The following AIFM1 variants were observed in gnomAD, a reference collection of about 807,000 sequenced individuals.
AIFM1 encodes the protein apoptosis-inducing factor 1, mitochondrial.
A neutral mutation model predicts 51.7 loss-of-function variants in AIFM1; 3 were observed. The ratio of observed to expected loss-of-function variants is 0.06; its 90% CI spans 0.03 to 0.15. The LOEUF (loss-of-function observed/expected upper bound fraction) is 0.15, where lower values mean the gene tolerates loss of function less well. AIFM1 is among the 10% of genes least tolerant of loss of function. The probability of loss-of-function intolerance (pLI) is 1.00; values close to 1 mark genes in which losing one functional copy is unlikely to be tolerated. For synonymous variants in AIFM1, 178 were observed against 179.4 expected (o/e 0.99, Z 0.06); for missense variants, 330 against 476.8 (o/e 0.69, Z 2.87).
At chrX:130,163,264 C>T (rs1219555620) in intron 1 of AIFM1, among the ~76,000 whole-genome samples, 2 of 100,265 alleles carry the variant, frequency 2.0e-5, no homozygotes, top group Non-Finnish European at 3.9e-5. Flanking sequence ...GAGCCAAGAT[C>T]GTGCCACTGC....
intron 10 of AIFM1, 137 bp downstream of exon 10, chrX:130,136,941 C>T: frequency 8.7e-7 from 1 of 1,148,580 alleles, no homozygotes. Context: ...ATGAACTTAG[C>T]TGACTGGAGA....
intron 2 of AIFM1, among the ~76,000 whole-genome samples, chrX:130,154,373 C>A (rs771104646): frequency 2.7e-5 from 3 of 111,961 alleles, no homozygotes; most frequent in African/African-American, 9.8e-5. Context: ...TAAATTGTTA[C>A]CAACATACTG....
In AIFM1 at chrX:130,129,442, AC is replaced by A; in HGVS notation, c.*114del. 1 of 597,540 alleles carries A rather than the reference AC, an allele frequency of 1.7e-6. No individual in the cohort carries two copies. 49.2% of individuals were successfully genotyped at this position (597,540 alleles called of 1,213,427 possible). Reference sequence around the variant, plus strand: ...ACATAGTTGAAAATATTCACAAAGGACTTGATCATTCACACTCATACACAGA... The same window carrying A: ...ACATAGTTGAAAATATTCACAAAGGATTGATCATTCACACTCATACACAGA... On this transcript the variant is annotated 3_prime_UTR_variant, in exon 16 of 16. Coordinates refer to ENST00000287295, the MANE Select transcript of AIFM1 (RefSeq NM_004208.4).
chrX:130,129,736 G>T, intron 15 of AIFM1, 108 bp from the exon 16 acceptor site: 1 of 836,590 alleles, frequency 1.2e-6, no homozygotes, highest in Non-Finnish European at 1.8e-6. Flanking sequence ...CTGGGAGGGA[G>T]TTGTGGGAAC....
At chrX:130,132,289 T>C (rs1569415983) in intron 13 of AIFM1, among the ~76,000 whole-genome samples, 1 of 112,255 alleles carries the variant, frequency 8.9e-6, no homozygotes, top group African/African-American at 3.2e-5. Context: ...TTAACCCTAA[T>C]AGCTTTGACT....
At chrX:130,143,210 C>T (rs2030638642) in intron 6 of AIFM1, among the ~76,000 whole-genome samples, 1 of 111,945 alleles carries the variant, frequency 8.9e-6, no homozygotes, top group African/African-American at 3.2e-5. Context: ...AACTTCTACA[C>T]ATATGCAGAT....
At position 130,145,537 on chromosome X, in the gene AIFM1, G is replaced by A; in HGVS notation, c.638C>T (p.Ser213Phe). The A allele has an allele frequency of 4.1e-6, 5 of 1,209,248 alleles. No individual in the cohort carries two copies. Among genetic ancestry groups the A allele is most frequent in the Non-Finnish European group, 5.6e-6 (5 of 893,244 alleles). Residue 213 changes from serine to phenylalanine, a missense_variant, in exon 6 of 16, where the codon TCT (serine) becomes TTT (phenylalanine). Physicochemically the swap from Ser to Phe is radical, Grantham distance 155 (BLOSUM62 -2). This residue lies in a region of AIFM1 where 152 missense variants were observed against 292.8 expected (regional missense o/e 0.52). Coordinates refer to ENST00000287295, the MANE Select transcript of AIFM1 (RefSeq NM_004208.4). ...CTCAATATGAGGCAGGTCCTGAGCA[G>A]AGACATAGAAAGAAGGTGGCTGGAA... Reference protein sequence around the residue: ...IYFQPPSFYVSAQDLPHIENG... With the variant: ...IYFQPPSFYVFAQDLPHIENG...
In AIFM1 at chrX:130,130,107, G is replaced by A. The variant is rs139322490; in HGVS notation, c.1633C>T (p.Pro545Ser). 1.2e-5 allele frequency: 14 copies of A among 1,210,110 alleles called. No individual in the cohort carries two copies. In the African/African-American group the frequency reaches 1.7e-4, roughly 15 times the overall value. Residue 545 changes from proline (P) to serine (S), a missense_variant, in exon 15 of 16, where the codon CCC becomes TCC. Coordinates refer to ENST00000287295, the MANE Select transcript of AIFM1 (RefSeq NM_004208.4). ...GCCTGTGGAACTGCCGGGGTGCTGG[G>A]AGGAATAGTAATTTCTGAGGCCTCG... ...ESEASEITIP[P>S]STPAVPQAPV...
chrX:130,155,191 C>T, intron 2 of AIFM1: 1 of 1,211,450 alleles, frequency 8.3e-7, no homozygotes, highest in Non-Finnish European at 1.1e-6. Flanking sequence ...GTTGCTCCTA[C>T]AATTAAGAAG....
chrX:130,135,173 C>A (rs753982445), intron 12 of AIFM1, among the ~76,000 whole-genome samples: 7 of 108,673 alleles, frequency 6.4e-5, no homozygotes, highest in Non-Finnish European at 1.1e-4. Flanking sequence ...GCCTCTGCCT[C>A]CTTAGTTCAA....
intron 2 of AIFM1, 29 bp from the exon 3 acceptor site, chrX:130,149,597 T>C (rs1267315591): frequency 9.8e-7 from 1 of 1,023,526 alleles, no homozygotes; most frequent in African/African-American, 1.9e-5. Flanking sequence ...AGAAAGTTTA[T>C]TTCACCATAC....
rs753867317 is a variant in AIFM1 at position 130,131,679 on chromosome X, C to T, written c.1569G>A (p.Gln523=). 3 of 1,212,096 alleles carry T rather than the reference C, an allele frequency of 2.5e-6. No individual in the cohort carries two copies. The Admixed American group carries it at 6.5e-5, about 26-fold the overall frequency. The change falls in exon 14 of 16, where the codon CAG becomes CAA. Residue 523 remains glutamine (Q), a synonymous_variant. Transcript: ENST00000287295. ...GGAGTGCTAGGACTTTCTTACCTGA[C>T]TGCTCTGTGGCAGATTTGGGGTTGT... ...AQDNPKSATE[Q]SGTGIRSESE...
At position 130,165,579 on chromosome X, in the gene AIFM1, T is replaced by C; in HGVS notation, c.78A>G (p.Arg26=). Residue 26 remains arginine, a synonymous_variant, in exon 1 of 16, where the codon CGA becomes CGG. Transcript: ENST00000287295. ...LVPLVRTVCV[R]SPRQRNRLPG... The stretch of plus-strand genomic sequence containing the variant: ...GGAGCCGGTTCCTCTGCCTCGGGCT[T>C]CGGACGCACACGGTCCGCACCAAGG... 1 of 1,199,907 alleles carries C rather than the reference T, an allele frequency of 8.3e-7. No homozygotes were observed. Among genetic ancestry groups the C allele is most frequent in the Non-Finnish European group, 1.1e-6 (1 of 889,064 alleles).
rs1162698865 is a variant in AIFM1 at position 130,136,175 on chromosome X, T to C, written c.1175A>G (p.Asp392Gly). 1 of 1,210,709 alleles carries C rather than the reference T, an allele frequency of 8.3e-7. No individual in the cohort carries two copies. Among genetic ancestry groups the C allele is most frequent in the East Asian group, 3.0e-5 (1 of 33,827 alleles). Reference protein sequence around the residue: ...KLKDGRKVETDHIVAAVGLEP... With the variant: ...KLKDGRKVETGHIVAAVGLEP... ...CAGGCCCACAGCTGCCACTATGTGG[T>C]CAGTTTCTACCTGAGGCAAAAAAGA... Residue 392 changes from aspartate (D) to glycine (G), a missense_variant, in exon 12 of 16, where the codon GAC (aspartate) becomes GGC (glycine). Transcript: ENST00000287295.
In AIFM1 at chrX:130,147,850, C is replaced by T. The variant is rs1200765574; in HGVS notation, c.376G>A (p.Asp126Asn). The part of the protein sequence containing the change: ...SASEGEEVPQ[D>N]KAPSHVPFLL... ...AAAGGAACATGACTTGGCGCCTTGT[C>T]TTGAGGAACTTCCTCTCCTTCTGAA... is the stretch of plus-strand genomic sequence containing the variant. The change falls in exon 4 of 16, where the codon GAC becomes AAC. Residue 126 changes from aspartate to asparagine, a missense_variant. Around this residue, in one of 4 missense-constraint regions of AIFM1, gnomAD observed 110 missense variants for 103.1 expected, o/e 1.07. Transcript: ENST00000287295. 4.1e-6 allele frequency: 5 copies of T among 1,210,166 alleles called. No individual in the cohort carries two copies. Among genetic ancestry groups the T allele is most frequent in the Admixed American group, 4.4e-5 (2 of 45,753 alleles).
chrX:130,132,981 G>A (rs779070341), intron 13 of AIFM1, among the ~76,000 whole-genome samples: 1 of 111,153 alleles, frequency 9.0e-6, no homozygotes, highest in African/African-American at 3.3e-5. Flanking sequence ...TCCTGGCCTC[G>A]TGATCCGCCC....
chrX:130,158,118 G>T (rs1308443824), intron 1 of AIFM1, among the ~76,000 whole-genome samples: 1 of 108,147 alleles, frequency 9.2e-6, no homozygotes, highest in Non-Finnish European at 1.9e-5. Context: ...CAAAAAATTA[G>T]CCGGGCGTGG....
At position 130,155,203 on chromosome X, in the gene AIFM1, A is replaced by G. The variant is rs753318816; in HGVS notation, c.249+1258T>C. ...ACTGTTGCTCCTACAATTAAGAAGT[A>G]CACTAGGTTGCTGCCATCTTTCCCA... is the stretch of plus-strand genomic sequence containing the variant. On this transcript the variant is annotated intron_variant, in intron 2 of 15. Coordinates refer to ENST00000287295, the MANE Select transcript of AIFM1 (RefSeq NM_004208.4). 15 of 1,211,457 alleles carry G rather than the reference A, an allele frequency of 1.2e-5. No individual in the cohort carries two copies. In the South Asian group the frequency reaches 2.1e-4, roughly 17 times the overall value.
intron 1 of AIFM1, among the ~76,000 whole-genome samples, chrX:130,160,871 C>T (rs1490184922): frequency 9.5e-6 from 1 of 104,799 alleles, no homozygotes; most frequent in Non-Finnish European, 1.9e-5. Context: ...GGTGAAACCC[C>T]GTCTCTACTT....
Sources: allele counts gnomAD v4.1 joint callset (sites outside exome capture counted in the v4.1 genomes callset), GRCh38; gene constraint gnomAD v4.1.1; regional missense constraint gnomAD v4.1.1; transcripts MANE v1.5; gene names NCBI Gene and HGNC (gene_info 2026-07-23, HGNC 2026-07-21).